Variants in CRB2 observed in about 807,000 individuals in gnomAD.
CRB2 encodes the protein protein crumbs homolog 2.
Under a neutral mutation model 110.9 loss-of-function variants are expected in CRB2, and 85 were observed. The observed-to-expected ratio is 0.77, with a 90% confidence interval of 0.64 to 0.92. The LOEUF is 0.92. CRB2 is among the 40% of genes least tolerant of loss of function. CRB2 has a pLI of 0.00. For synonymous variants in CRB2, 907 were observed against 831.0 expected (o/e 1.09, Z -1.57); for missense variants, 1,843 against 1,851.3 (o/e 1.00, Z 0.08).
intron 12 of CRB2, among the ~76,000 whole-genome samples, chr9:123,376,580 T>G (rs2042106322): frequency 6.6e-6 from 1 of 152,024 alleles, no homozygotes; most frequent in Non-Finnish European, 1.5e-5. Context: ...CTGCCGGGTG[T>G]TCAATAAACG....
In CRB2 at chr9:123,375,231, C is replaced by T. The variant is rs775169284; in HGVS notation, c.3521C>T (p.Thr1174Ile). 7 of 1,612,774 alleles carry T rather than the reference C, an allele frequency of 4.3e-6. No homozygotes were observed. Among genetic ancestry groups the T allele is most frequent in the South Asian group, 1.1e-5 (1 of 90,878 alleles). ...TCCCTCTCCAGGTGTCAGGTCCCCA[C>T]TCTCCCCTGTGAAGCCAACCCCTGC... ...GLAGQRCQVP[T>I]LPCEANPCLN... Residue 1174 changes from threonine to isoleucine, a missense_variant, in exon 12 of 13, where the codon ACT becomes ATT. By Grantham distance (89) the Thr-to-Ile change is moderately conservative. Coordinates refer to ENST00000373631, the MANE Select transcript of CRB2 (RefSeq NM_173689.7).
At position 123,377,856 on chromosome 9, in the gene CRB2, G is replaced by C. The variant is rs1025531596; in HGVS notation, c.*794G>C. On this transcript the variant is annotated 3_prime_UTR_variant, in exon 13 of 13. Coordinates refer to ENST00000373631, the MANE Select transcript of CRB2 (RefSeq NM_173689.7). ...CCCTGCTGTGGTCATTTGTCAAAGG[G>C]GGAAGGCACCCACTGCCTACCTCAC... 6 of 152,282 alleles carry C rather than the reference G, an allele frequency of 3.9e-5. No homozygotes were observed. Among genetic ancestry groups the C allele is most frequent in the African/African-American group, 1.4e-4 (6 of 41,462 alleles). The allele number at this position is 152,282 out of a possible 1,614,324, so 9.4% of individuals were successfully genotyped here.
chr9:123,373,192 G>A lies in CRB2; in HGVS notation c.2661G>A (p.Ala887=), dbSNP rs1055440896. The change falls in exon 10 of 13, where the codon GCG becomes GCA. Residue 887 remains alanine, a synonymous_variant. Coordinates refer to ENST00000373631, the MANE Select transcript of CRB2 (RefSeq NM_173689.7). The part of the protein sequence containing the change: ...GPPAAFSGHN[A]SSGRLLGGLS... ...CCGCCGCGTTCAGCGGGCACAACGCGTCGTCAGGGCGCTTGCTCGGCGGCC... is the reference window on the plus strand; with the variant it reads ...CCGCCGCGTTCAGCGGGCACAACGCATCGTCAGGGCGCTTGCTCGGCGGCC... 7.9e-6 allele frequency: 12 copies of A among 1,514,142 alleles called. No individual in the cohort carries two copies. The highest frequency in any genetic ancestry group is 1.1e-5 in the Non-Finnish European group (12 of 1,137,672). 93.8% of individuals were successfully genotyped at this position (1,514,142 alleles called of 1,614,324 possible). A position where few individuals can be genotyped will look rare whatever the true frequency, so the allele number is the denominator to read the frequency against.
intron 1 of CRB2, among the ~76,000 whole-genome samples, chr9:123,359,026 G>A (rs2041830857): frequency 6.6e-6 from 1 of 152,168 alleles, no homozygotes. Context: ...CTGGAACTGT[G>A]CTCTGAGCCC....
At chr9:123,374,177 C>A (rs770092709) in intron 10 of CRB2, 10 of 638,724 alleles carry the variant, frequency 1.6e-5, no homozygotes, top group Non-Finnish European at 2.2e-5. Flanking sequence ...CACGGAGGTT[C>A]ATCCCTATTG....
upstream of CRB2, among the ~76,000 whole-genome samples, chr9:123,354,200 C>T (rs2041775575): frequency 1.3e-5 from 2 of 152,240 alleles, no homozygotes; most frequent in African/African-American, 2.4e-5. Flanking sequence ...CCCTCCATAC[C>T]CTCCAGACCT....
In CRB2 at chr9:123,373,611, C is replaced by T. The variant is rs774898904; in HGVS notation, c.3080C>T (p.Ala1027Val). Reference sequence around the variant, plus strand: ...CTGGGCGGCCTGCCCCTGCCCTTGGCGCGGCCCCGGCCCGGCGCGGCCCCT... The same window carrying T: ...CTGGGCGGCCTGCCCCTGCCCTTGGTGCGGCCCCGGCCCGGCGCGGCCCCT... ...VALGGLPLPL[A>V]RPRPGAAPGA... The change falls in exon 10 of 13, where the codon GCG (alanine) becomes GTG (valine). Residue 1027 changes from alanine to valine, a missense_variant. Coordinates refer to ENST00000373631, the MANE Select transcript of CRB2 (RefSeq NM_173689.7). The T allele has an allele frequency of 4.4e-6, 6 of 1,365,238 alleles. No individual in the cohort carries two copies. The highest frequency in any genetic ancestry group is 1.8e-5 in the South Asian group (1 of 56,924). The allele number at this position is 1,365,238 out of a possible 1,614,324, so 84.6% of individuals were successfully genotyped here.
Position 123,375,357 on chromosome 9 carries a change from GGGGT to G in CRB2, c.3633+16_3633+19del. On this transcript the variant is annotated intron_variant, in intron 12 of 12. Coordinates refer to ENST00000373631, the MANE Select transcript of CRB2 (RefSeq NM_173689.7). ...TGTGAAGTGGCGGTGAGTGTTGTCA[GGGGT>G]GAGGGGCCGTGGACGTGGCCTGCTG... is the stretch of plus-strand genomic sequence containing the variant. 6.4e-7 allele frequency: 1 copy of G among 1,571,646 alleles called. No individual in the cohort carries two copies. Among genetic ancestry groups the G allele is most frequent in the Non-Finnish European group, 8.7e-7 (1 of 1,155,634 alleles).
At chr9:123,368,219 C>T (rs1390819730) in intron 6 of CRB2, among the ~76,000 whole-genome samples, 1 of 152,152 alleles carries the variant, frequency 6.6e-6, no homozygotes, top group Non-Finnish European at 1.5e-5. Context: ...CGCCCGCATT[C>T]CTGCTGGGGC....
chr9:123,359,646 A>G (rs1364243850), intron 1 of CRB2, among the ~76,000 whole-genome samples: 1 of 151,706 alleles, frequency 6.6e-6, no homozygotes, highest in Non-Finnish European at 1.5e-5. Context: ...CCAGCGTCTC[A>G]CTATGTTTGC....
rs1434112330 is a variant in CRB2, at chr9:123,367,592, G to A, written c.960G>A (p.Glu320=). 6.4e-7 allele frequency: 1 copy of A among 1,560,490 alleles called. No individual in the cohort carries two copies. Among genetic ancestry groups the A allele is most frequent in the Non-Finnish European group, 8.7e-7 (1 of 1,153,224 alleles). ...TTACAGGAGCCGACTGCGGTGTGGA[G>A]GTGGACGAGTGTGCCTCACGGCCAT... The part of the protein sequence containing the change: ...PGFEGADCGV[E]VDECASRPCL... Residue 320 remains glutamate, a synonymous_variant, in exon 6 of 13, where the codon GAG becomes GAA. Transcript: ENST00000373631.
rs768051370 is a variant in CRB2 at position 123,365,929 on chromosome 9, A to T, written c.431A>T (p.Glu144Val). The T allele has an allele frequency of 1.3e-6, 2 of 1,595,192 alleles. No individual in the cohort carries two copies. Among genetic ancestry groups the T allele is most frequent in the South Asian group, 1.1e-5 (1 of 90,744 alleles). ...CTGCCCTGTCCAGGCGTGACCTGCG[A>T]GATGGAGGTGGACGAGTGCGCCTCA... ...CPLGYAGVTC[E>V]MEVDECASAP... Residue 144 changes from glutamate to valine, a missense_variant, in exon 3 of 13, where the codon GAG becomes GTG. Glu to Val is a moderately radical substitution (Grantham distance 121). Transcript: ENST00000373631.
At position 123,366,053 on chromosome 9, in the gene CRB2, C is replaced by T. The variant is rs370476464; in HGVS notation, c.555C>T (p.Leu185=). 120 of 1,579,560 alleles carry T rather than the reference C, an allele frequency of 7.6e-5. No homozygotes were observed. Among genetic ancestry groups the T allele is most frequent in the Non-Finnish European group, 1.0e-4 (118 of 1,170,596 alleles). ...GGGGCACCCGTTGCCAGCTGGACCT[C>T]GACGAGTGCCAGAGCCAGCCGTGCG... is the stretch of plus-strand genomic sequence containing the variant. ...GYGGTRCQLD[L]DECQSQPCAH... Residue 185 remains leucine (L), a synonymous_variant, in exon 3 of 13, where the codon CTC becomes CTT. Transcript: ENST00000373631.
At chr9:123,379,354 ACT>A (rs1204236918), downstream of CRB2, among the ~76,000 whole-genome samples, 1 of 151,432 alleles carries the variant, frequency 6.6e-6, no homozygotes, top group Non-Finnish European at 1.5e-5. Flanking sequence ...GTCCCCTTGA[ACT>A]CTTTCCTGGC....
chr9:123,370,422 G>A lies in CRB2; in HGVS notation c.1369G>A (p.Gly457Ser), dbSNP rs764886749. 6.2e-7 allele frequency: 1 copy of A among 1,613,514 alleles called. No individual in the cohort carries two copies. The highest frequency in any genetic ancestry group is 1.3e-5 in the African/African-American group (1 of 75,052). Residue 457 changes from glycine (G) to serine (S), a missense_variant, in exon 7 of 13, where the codon GGC becomes AGC. Transcript: ENST00000373631. ...CATTCAGGCATCAGTGCCAGCTGGTGGCCCCCTGGGTCTGGCACTGAGGTT... is the reference window on the plus strand; with the variant it reads ...CATTCAGGCATCAGTGCCAGCTGGTAGCCCCCTGGGTCTGGCACTGAGGTT... Reference protein sequence around the residue: ...SPIQASVPAGGPLGLALRFRT... With the variant: ...SPIQASVPAGSPLGLALRFRT...
At position 123,378,146 on chromosome 9, in the gene CRB2, C is replaced by A. The variant is rs1463647876; in HGVS notation, c.*1084C>A. On this transcript the variant is annotated 3_prime_UTR_variant, in exon 13 of 13. Coordinates refer to ENST00000373631, the MANE Select transcript of CRB2 (RefSeq NM_173689.7). ...TCGGCGAGAGGACTTGAAGGAAGCC[C>A]TCTGGGTTGTCTGCTGAGTACAGGG... The A allele has an allele frequency of 6.6e-6, 1 of 152,328 alleles. No homozygotes were observed. Among genetic ancestry groups the A allele is most frequent in the African/African-American group, 2.4e-5 (1 of 41,462 alleles). The allele number at this position is 152,328 out of a possible 1,614,324, so 9.4% of individuals were successfully genotyped here. A position where few individuals can be genotyped will look rare whatever the true frequency, so the allele number is the denominator to read the frequency against.
Position 123,374,021 on chromosome 9 carries a change from G to A in CRB2, c.3389+101G>A, listed in dbSNP as rs1265675557. The A allele has an allele frequency of 6.5e-6, 9 of 1,394,190 alleles. No homozygotes were observed. The East Asian group carries it at 1.7e-4, about 27-fold the overall frequency. The allele number at this position is 1,394,190 out of a possible 1,614,324, so 86.4% of individuals were successfully genotyped here. A position where few individuals can be genotyped will look rare whatever the true frequency, so the allele number is the denominator to read the frequency against. ...TGTGGATGAGTCGCTTCCCTTCCCT[G>A]GTCCTCATGTCCTTATCTGTGACAT... On this transcript the variant is annotated intron_variant, in intron 10 of 12. Coordinates refer to ENST00000373631, the MANE Select transcript of CRB2 (RefSeq NM_173689.7).
intron 6 of CRB2, chr9:123,368,694 G>C: frequency 1.1e-6 from 1 of 917,496 alleles, no homozygotes; most frequent in Non-Finnish European, 1.3e-6. Context: ...GCCAGGGAGG[G>C]GGGACCCCAG....
intron 1 of CRB2, among the ~76,000 whole-genome samples, chr9:123,360,168 C>G (rs2041851205): frequency 6.6e-6 from 1 of 152,186 alleles, no homozygotes; most frequent in Non-Finnish European, 1.5e-5. Context: ...CTTTTCTGGT[C>G]TGAATCAAGT....
Sources: allele counts gnomAD v4.1 joint callset (sites outside exome capture counted in the v4.1 genomes callset), GRCh38; gene constraint gnomAD v4.1.1; transcripts MANE v1.5; gene names NCBI Gene and HGNC (gene_info 2026-07-23, HGNC 2026-07-21).